Variants in CASZ1 observed in about 807,000 individuals in gnomAD.
The protein encoded by CASZ1 is zinc finger protein castor homolog 1.
In CASZ1, 28 loss-of-function variants were observed where a neutral mutation model predicts 135.2. The observed-to-expected ratio is 0.21, with a 90% confidence interval of 0.15 to 0.28. The LOEUF (loss-of-function observed/expected upper bound fraction) is 0.28. CASZ1 is among the 10% of genes least tolerant of loss of function. The pLI is 1.00. For synonymous variants in CASZ1, 1,068 were observed against 1,073.4 expected (o/e 0.99, Z 0.10); for missense variants, 2,161 against 2,453.3 (o/e 0.88, Z 2.52).
intron 7 of CASZ1, among the ~76,000 whole-genome samples, 168 bp from the exon 8 acceptor site, chr1:10,656,904 C>T (rs952619896): frequency 6.6e-6 from 1 of 152,122 alleles, no homozygotes; most frequent in African/African-American, 2.4e-5. Context: ...ATCCCAGGCC[C>T]ATTGAGGCAA....
At chr1:10,787,297 G>A (rs1313083874) in intron 1 of CASZ1, among the ~76,000 whole-genome samples, 6 of 152,194 alleles carry the variant, frequency 3.9e-5, no homozygotes, top group African/African-American at 4.8e-5. Context: ...TGTGGGGCTC[G>A]CAGAAGGGTA....
At chr1:10,775,229 G>A (rs1363574120) in intron 1 of CASZ1, among the ~76,000 whole-genome samples, 4 of 152,050 alleles carry the variant, frequency 2.6e-5, no homozygotes, top group Admixed American at 6.6e-5. Context: ...TAAACAAACC[G>A]GTTTGGATAA....
chr1:10,781,419 C>G (rs1414995503), intron 1 of CASZ1, among the ~76,000 whole-genome samples: 1 of 152,216 alleles, frequency 6.6e-6, no homozygotes, highest in South Asian at 2.1e-4. Flanking sequence ...CAAGATGGCG[C>G]CAGTGCTTGG....
At chr1:10,766,707 A>C (rs1640484358) in intron 1 of CASZ1, among the ~76,000 whole-genome samples, 1 of 152,266 alleles carries the variant, frequency 6.6e-6, no homozygotes, top group South Asian at 2.1e-4. Context: ...CCACAGTAGA[A>C]GAGGAAAACG....
chr1:10,775,177 G>A (rs1332948247), intron 1 of CASZ1, among the ~76,000 whole-genome samples: 1 of 152,174 alleles, frequency 6.6e-6, no homozygotes, highest in Non-Finnish European at 1.5e-5. Flanking sequence ...CAGGCCCCCA[G>A]TGCATCGCTT....
chr1:10,691,637 G>A (rs1207308744), intron 4 of CASZ1, among the ~76,000 whole-genome samples: 1 of 152,204 alleles, frequency 6.6e-6, no homozygotes, highest in Non-Finnish European at 1.5e-5. Context: ...GGCCAGAGAC[G>A]AGGCCCATGG....
rs2100577591 is a variant in CASZ1, at chr1:10,762,254, A to T, written c.-233-1397T>A. ...AGGCCATCAGGGGTGGACAGCATCC[A>T]CTGTCCAAGGCTTGGATCAGCCCAG... On this transcript the variant is annotated intron_variant, in intron 1 of 20. Transcript: ENST00000377022. This position sits in a 1 kb window ranked among gnomAD's most constrained non-coding sequence, Gnocchi z 4.1. Among the ~76,000 whole-genome samples, 1 of 151,480 alleles carries T rather than the reference A, an allele frequency of 6.6e-6. No individual in the cohort carries two copies. Among genetic ancestry groups the T allele is most frequent in the Non-Finnish European group, 1.5e-5 (1 of 67,910 alleles).
Position 10,796,233 on chromosome 1 carries a change from G to A in CASZ1, c.-234+331C>T, listed in dbSNP as rs919582792. 2.6e-4 allele frequency among the ~76,000 whole-genome samples: 40 copies of A among 151,790 alleles called. 1 individual carries two copies. Among genetic ancestry groups the A allele is most frequent in the Non-Finnish European group, 2.4e-4 (16 of 67,912 alleles). ...CCCGCCACCCCCTCAGTTGGAGTAA[G>A]CGACCCCCAGGAGGAGCAGCCCTCC... On this transcript the variant is annotated intron_variant, in intron 1 of 20. Transcript: ENST00000377022.
rs187640035 is a variant in CASZ1, at chr1:10,729,528, G to A, written c.-76-23984C>T. 8.0e-4 allele frequency among the ~76,000 whole-genome samples: 122 copies of A among 152,356 alleles called. 2 individuals are homozygous for A. In the East Asian group the frequency reaches 0.011, roughly 13 times the overall value. On this transcript the variant is annotated intron_variant, in intron 2 of 20. Coordinates refer to ENST00000377022, the MANE Select transcript of CASZ1 (RefSeq NM_001079843.3). ...TCAGGCCAAGAACTCAGCCCCTTCA[G>A]ATGGCAGAAACCAAGTGCCAGAGCC...
At chr1:10,658,644 G>A in intron 6 of CASZ1, 68 bp from the exon 7 acceptor site, 1 of 1,411,818 alleles carries the variant, frequency 7.1e-7, no homozygotes, top group Non-Finnish European at 1.0e-6. Context: ...GGGGCATCTG[G>A]TGGGCAGCCC....
rs1338409954 is a variant in CASZ1, at chr1:10,788,511, T to A, written c.-234+8053A>T. 2.0e-5 allele frequency among the ~76,000 whole-genome samples: 3 copies of A among 151,456 alleles called. No homozygotes were observed. Among genetic ancestry groups the A allele is most frequent in the Admixed American group, 2.0e-4 (3 of 15,246 alleles). ...ATAAGCAACATTTATGCTTACGAGA[T>A]TTTTTTTATTAAGAGGATTCTCAAA... On this transcript the variant is annotated intron_variant, in intron 1 of 20. Transcript: ENST00000377022. This position sits in a 1 kb window ranked among gnomAD's most constrained non-coding sequence, Gnocchi z 4.1.
At position 10,709,072 on chromosome 1, in the gene CASZ1, G is replaced by C. The variant is rs1639232965; in HGVS notation, c.-76-3528C>G. On this transcript the variant is annotated intron_variant, in intron 2 of 20. Coordinates refer to ENST00000377022, the MANE Select transcript of CASZ1 (RefSeq NM_001079843.3). The surrounding 1 kb of genome is among the most constrained non-coding windows in gnomAD (Gnocchi z 5.1). The stretch of plus-strand genomic sequence containing the variant: ...GGCAGGGACCAGCGTACCAGGACCT[G>C]AAGGGGCCTCCTCCATCTGCAGTTC... 6.6e-6 allele frequency among the ~76,000 whole-genome samples: 1 copy of C among 152,108 alleles called. No homozygotes were observed. Among genetic ancestry groups the C allele is most frequent in the Non-Finnish European group, 1.5e-5 (1 of 68,010 alleles).
rs1402956602 is a variant in CASZ1 at position 10,676,302 on chromosome 1, T to C, written c.17-10731A>G. ...TCCCGGAAGCCCTGGGCTCCCGCTATTGTCGGCCACGTTGAGGGAGGGCCC... is the reference window on the plus strand; with the variant it reads ...TCCCGGAAGCCCTGGGCTCCCGCTACTGTCGGCCACGTTGAGGGAGGGCCC... On this transcript the variant is annotated intron_variant, in intron 4 of 20. Coordinates refer to ENST00000377022, the MANE Select transcript of CASZ1 (RefSeq NM_001079843.3). This position sits in a 1 kb window ranked among gnomAD's most constrained non-coding sequence, Gnocchi z 4.5. 1.3e-5 allele frequency among the ~76,000 whole-genome samples: 2 copies of C among 152,086 alleles called. No homozygotes were observed. The highest frequency in any genetic ancestry group is 2.9e-5 in the Non-Finnish European group (2 of 67,974).
Position 10,638,750 on chromosome 1 carries a change from G to T in CASZ1, c.*192C>A. The T allele has an allele frequency of 2.5e-6, 1 of 406,200 alleles. No homozygotes were observed. The highest frequency in any genetic ancestry group is 3.3e-6 in the Non-Finnish European group (1 of 300,592). 25.2% of individuals were successfully genotyped at this position (406,200 alleles called of 1,614,324 possible). Reference sequence around the variant, plus strand: ...CCTGAAGAGACCCGGCCTCCCTAGAGCAGGGCCACCGCCGCCGCCTGTGTC... The same window carrying T: ...CCTGAAGAGACCCGGCCTCCCTAGATCAGGGCCACCGCCGCCGCCTGTGTC... On this transcript the variant is annotated 3_prime_UTR_variant, in exon 21 of 21. Transcript: ENST00000377022. This position sits in a 1 kb window ranked among gnomAD's most constrained non-coding sequence, Gnocchi z 5.9.
chr1:10,772,196 A>C (rs535724422), intron 1 of CASZ1, among the ~76,000 whole-genome samples: 1 of 152,332 alleles, frequency 6.6e-6, no homozygotes, highest in African/African-American at 2.4e-5. Flanking sequence ...TGGGAGAAAG[A>C]AGAGGCAGTC....
At chr1:10,737,301 C>T (rs1425378292) in intron 2 of CASZ1, among the ~76,000 whole-genome samples, 1 of 152,198 alleles carries the variant, frequency 6.6e-6, no homozygotes, top group Admixed American at 6.5e-5. Context: ...CCTGGGCGTC[C>T]CCCTCACCCT....
Position 10,788,684 on chromosome 1 carries a change from G to A in CASZ1, c.-234+7880C>T, listed in dbSNP as rs1468954029. 6.6e-6 allele frequency among the ~76,000 whole-genome samples: 1 copy of A among 152,208 alleles called. No homozygotes were observed. Among genetic ancestry groups the A allele is most frequent in the African/African-American group, 2.4e-5 (1 of 41,458 alleles). ...AGGACTCCAGTCGTCTTGGCAGCAA[G>A]TGTCCCTGACCGCTGCCTCCTCACC... On this transcript the variant is annotated intron_variant, in intron 1 of 20. Transcript: ENST00000377022. This position sits in a 1 kb window ranked among gnomAD's most constrained non-coding sequence, Gnocchi z 4.1.
chr1:10,708,648 C>T (rs901092550), intron 2 of CASZ1, among the ~76,000 whole-genome samples: 4 of 152,106 alleles, frequency 2.6e-5, no homozygotes, highest in Non-Finnish European at 4.4e-5. Flanking sequence ...TTCTCCTGGC[C>T]GGTTCTGAAG....
intron 3 of CASZ1, among the ~76,000 whole-genome samples, chr1:10,698,553 A>G (rs1391517302): frequency 6.6e-6 from 1 of 151,810 alleles, no homozygotes; most frequent in Non-Finnish European, 1.5e-5. Context: ...TTTCAGAGAA[A>G]AAGAAAGGCC....
Sources: gnomAD v4.1 joint callset for allele counts (sites outside exome capture counted in the v4.1 genomes callset) on GRCh38, gnomAD v4.1.1 for gene constraint, Gnocchi (gnomAD v3.1) non-coding constraint, MANE v1.5 for transcripts, NCBI Gene and HGNC (gene_info 2026-07-23, HGNC 2026-07-21) for gene names.